Variants in CDKL3 observed in about 807,000 individuals in gnomAD.
CDKL3 encodes the protein cyclin-dependent kinase-like 3.
CDKL3 carries 65 observed loss-of-function variants against 69.3 expected under a neutral mutation model. The observed-to-expected ratio is 0.94, with a 90% CI of 0.77 to 1.15. The LOEUF (loss-of-function observed/expected upper bound fraction) is 1.15. Ranked by LOEUF, CDKL3 falls within the 50% of genes most tolerant of loss-of-function variation. The pLI is 0.00. For synonymous variants in CDKL3, 202 were observed against 221.6 expected (o/e 0.91, Z 0.79); for missense variants, 652 against 689.2 (o/e 0.95, Z 0.61).
chr5:134,349,329 G>A lies in CDKL3; in HGVS notation c.539+920C>T, dbSNP rs553394716. ...CATACTTTTATCTCTTTATGCTCAA[G>A]ATTGATTATTTATATTTTAGGCTGC... On this transcript the variant is annotated intron_variant, in intron 4 of 12. Coordinates refer to ENST00000265334, the MANE Select transcript of CDKL3 (RefSeq NM_001113575.2). Among the ~76,000 whole-genome samples, 5 of 152,204 alleles carry A rather than the reference G, an allele frequency of 3.3e-5. No homozygotes were observed. The East Asian group carries it at 9.7e-4, about 29-fold the overall frequency.
At chr5:134,320,878 A>AC (rs1199569061) in intron 5 of CDKL3, among the ~76,000 whole-genome samples, 1 of 151,820 alleles carries the variant, frequency 6.6e-6, no homozygotes, top group Non-Finnish European at 1.5e-5. Flanking sequence ...CCTCTCAAAA[A>AC]AAAAAAAATT....
intron 3 of CDKL3, among the ~76,000 whole-genome samples, chr5:134,356,142 T>G (rs1352036983): frequency 6.6e-6 from 1 of 152,180 alleles, no homozygotes; most frequent in Non-Finnish European, 1.5e-5. Context: ...TGGTCCTAAC[T>G]GGGGGTTATG....
At chr5:134,283,652 C>T (rs1764727707), downstream of CDKL3, among the ~76,000 whole-genome samples, 1 of 152,156 alleles carries the variant, frequency 6.6e-6, no homozygotes, top group Non-Finnish European at 1.5e-5. Context: ...CATTCCACCC[C>T]TGGCCCCTCC....
chr5:134,360,047 T>C lies in CDKL3; in HGVS notation c.210A>G (p.Arg70=). The C allele has an allele frequency of 6.4e-7, 1 of 1,550,634 alleles. No individual in the cohort carries two copies. ...ENLVNLIEVF[R]QKKKIHLVFE... is the part of the protein sequence containing the mutation. ...ATACCAAATGAATTTTCTTTTTCTG[T>C]CTAAAAACTTCAATCAGATTGACCA... Residue 70 remains arginine (R), a synonymous_variant, in exon 3 of 13, where the codon AGA becomes AGG. Transcript: ENST00000265334.
intron 3 of CDKL3, among the ~76,000 whole-genome samples, chr5:134,358,332 C>G (rs1755118140): frequency 6.6e-6 from 1 of 152,188 alleles, no homozygotes. Flanking sequence ...TCTACTCCAA[C>G]AAAATCCTAG....
At chr5:134,316,054 T>C (rs1254611084) in intron 6 of CDKL3, among the ~76,000 whole-genome samples, 1 of 152,086 alleles carries the variant, frequency 6.6e-6, no homozygotes, top group East Asian at 1.9e-4. Context: ...CAGGCTCAAG[T>C]GATCCTGCCA....
chr5:134,348,098 A>C (rs964626930), intron 4 of CDKL3, among the ~76,000 whole-genome samples: 2 of 152,310 alleles, frequency 1.3e-5, no homozygotes, highest in African/African-American at 2.4e-5. Flanking sequence ...TTTAAAATGC[A>C]AGGAAATGGC....
chr5:134,352,237 T>C (rs1275077975), intron 3 of CDKL3, among the ~76,000 whole-genome samples: 11 of 152,162 alleles, frequency 7.2e-5, no homozygotes, highest in Admixed American at 5.2e-4. Flanking sequence ...GGCTGAATAG[T>C]GCTCCATTGT....
At chr5:134,310,392 G>C (rs559707100) in intron 7 of CDKL3, among the ~76,000 whole-genome samples, 25 of 151,922 alleles carry the variant, frequency 1.6e-4, no homozygotes, top group African/African-American at 5.8e-4. Context: ...GGGTTTCACC[G>C]CGTTAGTCAG....
intron 3 of CDKL3, among the ~76,000 whole-genome samples, chr5:134,356,249 T>A (rs916737755): frequency 6.6e-6 from 1 of 152,162 alleles, no homozygotes; most frequent in African/African-American, 2.4e-5. Context: ...CGCACTCCTA[T>A]AAGAATTTAA....
intron 11 of CDKL3, 124 bp from the exon 12 acceptor site, chr5:134,302,811 A>T: frequency 1.8e-6 from 1 of 556,808 alleles, no homozygotes; most frequent in Non-Finnish European, 3.1e-6. Context: ...CAAAGGAACA[A>T]AATAAATTAT....
intron 4 of CDKL3, among the ~76,000 whole-genome samples, chr5:134,337,390 C>A (rs1777388429): frequency 6.6e-6 from 1 of 152,210 alleles, no homozygotes; most frequent in South Asian, 2.1e-4. Flanking sequence ...GTGAGATGAA[C>A]CAGGTACCTT....
At chr5:134,292,280 C>T (rs979308909) in intron 8 of CDKL3, among the ~76,000 whole-genome samples, 1 of 151,974 alleles carries the variant, frequency 6.6e-6, no homozygotes, top group African/African-American at 2.4e-5. Flanking sequence ...TATTCTCTGA[C>T]CACATTGAAA....
chr5:134,315,773 G>T (rs1770895703), intron 6 of CDKL3, among the ~76,000 whole-genome samples: 2 of 152,112 alleles, frequency 1.3e-5, no homozygotes, highest in African/African-American at 4.8e-5. Context: ...GATTGGTCGA[G>T]CTCAGGAGTT....
At chr5:134,371,335 C>G, upstream of CDKL3, 1 of 585,938 alleles carries the variant, frequency 1.7e-6, no homozygotes, top group Non-Finnish European at 3.0e-6. Context: ...GGAACCGCGC[C>G]CCGCTGAAGG....
At chr5:134,359,314 A>G (rs1440255880) in intron 3 of CDKL3, among the ~76,000 whole-genome samples, 1 of 152,190 alleles carries the variant, frequency 6.6e-6, no homozygotes, top group Non-Finnish European at 1.5e-5. Context: ...CCAACCAACC[A>G]ACCAAACAAA....
intron 3 of CDKL3, among the ~76,000 whole-genome samples, chr5:134,351,560 G>C (rs755898332): frequency 6.6e-6 from 1 of 151,966 alleles, no homozygotes; most frequent in Non-Finnish European, 1.5e-5. Context: ...TCAACCTCCT[G>C]AGTAGCTAGG....
chr5:134,357,998 G>A (rs1581222031), intron 3 of CDKL3, among the ~76,000 whole-genome samples: 2 of 152,334 alleles, frequency 1.3e-5, no homozygotes, highest in East Asian at 3.9e-4. Context: ...AGGATCACTT[G>A]AGCCCAGAAG....
intron 2 of CDKL3, among the ~76,000 whole-genome samples, chr5:134,361,247 GTTTT>G (rs201771830): frequency 2.7e-5 from 4 of 148,282 alleles, no homozygotes; most frequent in African/African-American, 5.0e-5. Flanking sequence ...AAAATGAAGG[GTTTT>G]TTTTTGTTTT....
Sources: allele counts gnomAD v4.1 joint callset (sites outside exome capture counted in the v4.1 genomes callset), GRCh38; gene constraint gnomAD v4.1.1; transcripts MANE v1.5; gene names NCBI Gene and HGNC (gene_info 2026-07-23, HGNC 2026-07-21).